The following SLC35F4 variants were observed in gnomAD, a reference collection of about 807,000 sequenced individuals.
SLC35F4 encodes chromosome 14 open reading frame 36.
Under a neutral mutation model 44.2 loss-of-function variants are expected in SLC35F4, and 24 were observed. The ratio of observed to expected loss-of-function variants is 0.54; its 90% CI spans 0.39 to 0.76. SLC35F4 has a LOEUF of 0.76. SLC35F4 is among the 30% of genes least tolerant of loss of function. SLC35F4 has a pLI of 0.00. For synonymous variants in SLC35F4, 238 were observed against 223.6 expected (o/e 1.06, Z -0.57); for missense variants, 562 against 586.1 (o/e 0.96, Z 0.42).
chr14:57,857,289 T>G (rs1380056003), intron 1 of SLC35F4, among the ~76,000 whole-genome samples: 1 of 150,814 alleles, frequency 6.6e-6, no homozygotes. Context: ...AAAAAAAAAG[T>G]TGCCTTTTCC....
intron 1 of SLC35F4, among the ~76,000 whole-genome samples, chr14:57,701,605 T>C (rs1322176656): frequency 1.3e-5 from 2 of 152,128 alleles, no homozygotes; most frequent in Non-Finnish European, 2.9e-5. Flanking sequence ...CACTAAGCAA[T>C]AGGAATTTTT....
At chr14:57,703,140 C>T (rs772329428) in intron 1 of SLC35F4, among the ~76,000 whole-genome samples, 2 of 152,068 alleles carry the variant, frequency 1.3e-5, no homozygotes, top group Non-Finnish European at 2.9e-5. Context: ...GGTTTTTTGC[C>T]ACCTACCAGC....
At chr14:57,909,458 C>A (rs1386578224) in intron 1 of SLC35F4, among the ~76,000 whole-genome samples, 1 of 152,020 alleles carries the variant, frequency 6.6e-6, no homozygotes, top group South Asian at 2.1e-4. Context: ...CCCCTCCTCC[C>A]CTTCAACCCC....
At chr14:57,846,148 CA>C (rs1886003278) in intron 1 of SLC35F4, among the ~76,000 whole-genome samples, 1 of 152,116 alleles carries the variant, frequency 6.6e-6, no homozygotes, top group Non-Finnish European at 1.5e-5. Context: ...CCAAGGTAAT[CA>C]GATAATCTGC....
intron 1 of SLC35F4, among the ~76,000 whole-genome samples, chr14:57,603,453 G>A (rs183247197): frequency 5.3e-5 from 8 of 152,262 alleles, no homozygotes; most frequent in Admixed American, 1.3e-4. Flanking sequence ...GGGAAACAGT[G>A]CCCTACATCC....
At chr14:57,826,082 C>A (rs185410927) in intron 1 of SLC35F4, among the ~76,000 whole-genome samples, 2 of 152,252 alleles carry the variant, frequency 1.3e-5, no homozygotes, top group East Asian at 3.9e-4. Context: ...AAGAACAAAG[C>A]TGGAGGCATC....
intron 1 of SLC35F4, among the ~76,000 whole-genome samples, chr14:57,871,517 G>A (rs1182968187): frequency 1.3e-5 from 2 of 152,106 alleles, no homozygotes; most frequent in African/African-American, 4.8e-5. Context: ...TAATTTAAAC[G>A]TCTAAAAATG....
In SLC35F4 at chr14:57,782,939, G is replaced by A. The variant is rs142202211; in HGVS notation, c.103+82784C>T. Among the ~76,000 whole-genome samples, 755 of 152,108 alleles carry A rather than the reference G, an allele frequency of 5.0e-3. 5 individuals are homozygous for A. Among genetic ancestry groups the A allele is most frequent in the Non-Finnish European group, 7.9e-3 (539 of 67,998 alleles). Reference sequence around the variant, plus strand: ...ATTGAAGTCTGCAGCTGTGGTTGCCGGCTATCTCAAGATAAATGAATCCTG... The same window carrying A: ...ATTGAAGTCTGCAGCTGTGGTTGCCAGCTATCTCAAGATAAATGAATCCTG... On this transcript the variant is annotated intron_variant, in intron 1 of 7. Transcript: ENST00000556826.
At chr14:57,693,803 C>T (rs1371316414) in intron 1 of SLC35F4, among the ~76,000 whole-genome samples, 1 of 152,072 alleles carries the variant, frequency 6.6e-6, no homozygotes, top group Non-Finnish European at 1.5e-5. Flanking sequence ...AATTTGTCCC[C>T]TAACTTTTTT....
intron 1 of SLC35F4, among the ~76,000 whole-genome samples, chr14:57,749,878 T>C (rs943478211): frequency 6.6e-6 from 1 of 152,210 alleles, no homozygotes; most frequent in African/African-American, 2.4e-5. Flanking sequence ...GCAGTGGCCA[T>C]CTCTATTTGA....
chr14:57,583,118 C>A (rs1490810380), intron 3 of SLC35F4, among the ~76,000 whole-genome samples: 1 of 152,160 alleles, frequency 6.6e-6, no homozygotes, highest in Non-Finnish European at 1.5e-5. Context: ...AACTTTAAAG[C>A]CTTCTGTAAT....
chr14:57,642,606 G>A (rs972442921), intron 1 of SLC35F4, among the ~76,000 whole-genome samples: 21 of 151,732 alleles, frequency 1.4e-4, no homozygotes, highest in East Asian at 3.9e-4. Flanking sequence ...TACTTTTTTT[G>A]ATGTTTTCAA....
chr14:57,795,478 C>A (rs910214978), intron 1 of SLC35F4, among the ~76,000 whole-genome samples: 1 of 152,094 alleles, frequency 6.6e-6, no homozygotes, highest in Non-Finnish European at 1.5e-5. Flanking sequence ...GAATTTCTGG[C>A]CAACTTTACA....
chr14:57,605,331 G>A (rs899046583), intron 1 of SLC35F4, among the ~76,000 whole-genome samples: 1 of 152,040 alleles, frequency 6.6e-6, no homozygotes, highest in African/African-American at 2.4e-5. Flanking sequence ...AGACATACAA[G>A]CAGCCAAGAA....
intron 1 of SLC35F4, among the ~76,000 whole-genome samples, chr14:57,714,142 A>G (rs890739371): frequency 6.6e-6 from 1 of 152,236 alleles, no homozygotes; most frequent in Non-Finnish European, 1.5e-5. Context: ...ATCAAAGAGT[A>G]TAAGAAAATC....
chr14:57,664,557 C>T (rs117884398), intron 1 of SLC35F4, among the ~76,000 whole-genome samples: 2,075 of 152,234 alleles, frequency 0.014, 28 homozygotes, highest in Non-Finnish European at 0.022. Flanking sequence ...TACAGGCACA[C>T]ACCACAATGC....
intron 1 of SLC35F4, among the ~76,000 whole-genome samples, chr14:57,839,753 TAAAA>T (rs1048306007): frequency 6.6e-6 from 1 of 151,254 alleles, no homozygotes; most frequent in Non-Finnish European, 1.5e-5. Flanking sequence ...CCCTGAACTT[TAAAA>T]AAAAAGTTGC....
At chr14:57,629,686 A>G (rs1438649332) in intron 1 of SLC35F4, among the ~76,000 whole-genome samples, 1 of 152,154 alleles carries the variant, frequency 6.6e-6, no homozygotes, top group Non-Finnish European at 1.5e-5. Context: ...ATATGCATCA[A>G]TTTATTCAAG....
At chr14:57,735,732 T>G (rs2076447832) in intron 1 of SLC35F4, among the ~76,000 whole-genome samples, 1 of 149,768 alleles carries the variant, frequency 6.7e-6, no homozygotes, top group African/African-American at 2.5e-5. Context: ...TTTGTTTTTT[T>G]TTTTTTTAAA....
Sources: allele counts gnomAD v4.1 joint callset (sites outside exome capture counted in the v4.1 genomes callset), GRCh38; gene constraint gnomAD v4.1.1; transcripts MANE v1.5; gene names NCBI Gene and HGNC (gene_info 2026-07-23, HGNC 2026-07-21).